ZBTB16: variants seen among roughly 807,000 people sequenced by gnomAD.
ZBTB16 encodes zinc finger and BTB domain-containing protein 16.
In ZBTB16, 8 loss-of-function variants were observed where a neutral mutation model predicts 56.8. That is an observed-to-expected ratio of 0.14 (90% CI 0.08 to 0.25). ZBTB16 has a LOEUF of 0.25. Among genes scored for constraint, ZBTB16 ranks in the 10% least tolerant of loss-of-function variants. The pLI is 1.00. For missense variants in ZBTB16, 625 were observed against 903.0 expected, an observed-to-expected ratio of 0.69 and a Z score of 3.95; for synonymous variants, 363 against 368.5, an observed-to-expected ratio of 0.98 and a Z score of 0.17.
At chr11:114,233,646 C>T (rs1456064259) in intron 4 of ZBTB16, among the ~76,000 whole-genome samples, 1 of 151,936 alleles carries the variant, frequency 6.6e-6, no homozygotes, top group Non-Finnish European at 1.5e-5. Context: ...TTTATCCACC[C>T]CTTTTCTTGT....
intron 4 of ZBTB16, 89 bp from the exon 5 acceptor site, chr11:114,242,078 G>A: frequency 6.5e-7 from 1 of 1,548,378 alleles, no homozygotes; most frequent in Admixed American, 1.7e-5. Flanking sequence ...GGAGGTGTGA[G>A]TCCCGACACT....
At chr11:114,229,415 C>T (rs1176383966) in intron 4 of ZBTB16, among the ~76,000 whole-genome samples, 1 of 152,174 alleles carries the variant, frequency 6.6e-6, no homozygotes, top group Non-Finnish European at 1.5e-5. Context: ...CGCCTGGCTG[C>T]ACACTGTAAA....
At chr11:114,248,201 A>G (rs1002915795) in intron 6 of ZBTB16, among the ~76,000 whole-genome samples, 2 of 152,172 alleles carry the variant, frequency 1.3e-5, no homozygotes, top group Admixed American at 6.5e-5. Context: ...GCCCATCCAC[A>G]TTATTTTTTG....
chr11:114,186,945 C>A lies in ZBTB16; in HGVS notation c.1367-7C>A, dbSNP rs770362959. 1 of 1,614,022 alleles carries A rather than the reference C, an allele frequency of 6.2e-7. No individual in the cohort carries two copies. Among genetic ancestry groups the A allele is most frequent in the East Asian group, 2.2e-5 (1 of 44,844 alleles). On this transcript the variant is annotated splice_region_variant and splice_polypyrimidine_tract_variant and intron_variant, in intron 3 of 6. Coordinates refer to ENST00000335953, the MANE Select transcript of ZBTB16 (RefSeq NM_006006.6). ...CTCTAGTGGTAACTGCCTCTCCTTTCTTTCAGCGGGTGCCAAAGCCTTTGT... is the reference window on the plus strand; with the variant it reads ...CTCTAGTGGTAACTGCCTCTCCTTTATTTCAGCGGGTGCCAAAGCCTTTGT...
chr11:114,163,123 A>G (rs1406819608), intron 3 of ZBTB16, among the ~76,000 whole-genome samples: 1 of 152,184 alleles, frequency 6.6e-6, no homozygotes, highest in East Asian at 1.9e-4. Flanking sequence ...GCTGTTTATA[A>G]ATTATACACT....
At chr11:114,167,496 C>T (rs1416007409) in intron 3 of ZBTB16, among the ~76,000 whole-genome samples, 4 of 145,692 alleles carry the variant, frequency 2.7e-5, no homozygotes, top group African/African-American at 1.0e-4. Flanking sequence ...TTTTTTTCAC[C>T]TTTGATGTGG....
chr11:114,110,977 A>G (rs981176588), intron 2 of ZBTB16, among the ~76,000 whole-genome samples: 3 of 152,220 alleles, frequency 2.0e-5, no homozygotes, highest in Non-Finnish European at 4.4e-5. Flanking sequence ...TAAAAGCTCA[A>G]GAATTTGCAT....
rs571965868 is a variant in ZBTB16 at position 114,256,185 on chromosome 11, A to T, written c.*5630A>T. Among the ~76,000 whole-genome samples the T allele has an allele frequency of 1.2e-3, 178 of 152,316 alleles. 1 individual carries two copies. The highest frequency in any genetic ancestry group is 4.1e-3 in the African/African-American group (172 of 41,570). On this transcript the variant is annotated 3_prime_UTR_variant, in exon 7 of 7. Coordinates refer to ENST00000335953, the MANE Select transcript of ZBTB16 (RefSeq NM_006006.6). ...CATTTACAAGGCACAGATGCACTGA[A>T]TAACATTTTTCTAATACTTTTTAGT...
At chr11:114,142,409 A>C (rs79611473) in intron 2 of ZBTB16, among the ~76,000 whole-genome samples, 131 of 152,348 alleles carry the variant, frequency 8.6e-4, no homozygotes, top group Non-Finnish European at 1.3e-3. Context: ...ATATGACTAT[A>C]GCTCTAACTG....
intron 3 of ZBTB16, among the ~76,000 whole-genome samples, chr11:114,182,762 A>G (rs751811864): frequency 2.6e-5 from 4 of 152,188 alleles, no homozygotes; most frequent in Non-Finnish European, 5.9e-5. Flanking sequence ...TGTCACCGTA[A>G]TGCATTTTGG....
chr11:114,104,315 G>A (rs551252871), intron 2 of ZBTB16, among the ~76,000 whole-genome samples: 1 of 152,290 alleles, frequency 6.6e-6, no homozygotes, highest in South Asian at 2.1e-4. Context: ...AAGCATGTGC[G>A]AGCCTGTAGA....
chr11:114,217,100 T>C (rs907531828), intron 4 of ZBTB16, among the ~76,000 whole-genome samples: 8 of 152,166 alleles, frequency 5.3e-5, no homozygotes, highest in African/African-American at 1.9e-4. Flanking sequence ...AATGGAACTG[T>C]ATGTGTTTAG....
chr11:114,202,498 C>T (rs1172691238), intron 4 of ZBTB16, among the ~76,000 whole-genome samples: 1 of 152,170 alleles, frequency 6.6e-6, no homozygotes, highest in Non-Finnish European at 1.5e-5. Flanking sequence ...GTCACTATTG[C>T]CTCTCTCCAA....
chr11:114,119,446 T>G (rs760745294), intron 2 of ZBTB16, among the ~76,000 whole-genome samples: 1 of 151,970 alleles, frequency 6.6e-6, no homozygotes, highest in African/African-American at 2.4e-5. Context: ...TGGACTGGCC[T>G]GCTGGATTTC....
intron 3 of ZBTB16, among the ~76,000 whole-genome samples, chr11:114,171,703 T>C (rs143696309): frequency 1.3e-5 from 2 of 152,336 alleles, no homozygotes; most frequent in Non-Finnish European, 2.9e-5. Context: ...GGAGCATACA[T>C]AGAGTTCACA....
chr11:114,214,862 A>AT (rs1029690876), intron 4 of ZBTB16, among the ~76,000 whole-genome samples: 4 of 151,804 alleles, frequency 2.6e-5, no homozygotes, highest in South Asian at 2.1e-4. Flanking sequence ...TTTTGAAATT[A>AT]TTTTTTTTCC....
At chr11:114,183,570 C>T (rs1160750003) in intron 3 of ZBTB16, among the ~76,000 whole-genome samples, 1 of 152,224 alleles carries the variant, frequency 6.6e-6, no homozygotes, top group Non-Finnish European at 1.5e-5. Context: ...GGAGTGCCCT[C>T]CCCTTCCCAG....
rs1944909326 is a variant in ZBTB16, at chr11:114,251,056, T to C, written c.*501T>C. On this transcript the variant is annotated 3_prime_UTR_variant, in exon 7 of 7. Transcript: ENST00000335953. Reference sequence around the variant, plus strand: ...AGCTGCTCAAAATGGCAGCTCTAGTTTGCTGGCGGCTGACTGGGGAGGAGA... The same window carrying C: ...AGCTGCTCAAAATGGCAGCTCTAGTCTGCTGGCGGCTGACTGGGGAGGAGA... Among the ~76,000 whole-genome samples, 1 of 152,158 alleles carries C rather than the reference T, an allele frequency of 6.6e-6. No homozygotes were observed. Among genetic ancestry groups the C allele is most frequent in the Admixed American group, 6.5e-5 (1 of 15,278 alleles).
intron 2 of ZBTB16, among the ~76,000 whole-genome samples, chr11:114,084,746 T>C (rs769843272): frequency 2.6e-5 from 4 of 152,242 alleles, no homozygotes; most frequent in Admixed American, 6.5e-5. Flanking sequence ...GGAGGCCTTA[T>C]TGCTCAGGAT....
Sources: allele counts gnomAD v4.1 joint callset (sites outside exome capture counted in the v4.1 genomes callset), GRCh38; gene constraint gnomAD v4.1.1; transcripts MANE v1.5; gene names NCBI Gene and HGNC (gene_info 2026-07-23, HGNC 2026-07-21).